The following PCDH9 variants were observed in gnomAD, a reference collection of about 807,000 sequenced individuals.
PCDH9 encodes protocadherin-9.
A neutral mutation model predicts 70.6 loss-of-function variants in PCDH9; 24 were observed. That is an observed-to-expected ratio of 0.34 (90% CI 0.25 to 0.48). PCDH9 has a LOEUF of 0.48. Ranked by LOEUF, PCDH9 falls within the 20% of genes least tolerant of loss-of-function variation. The pLI, the probability that PCDH9 is intolerant of heterozygous loss-of-function variation, is 0.99. For missense variants in PCDH9, 1,281 were observed against 1,503.6 expected (o/e 0.85, Z 2.45); for synonymous variants, 562 against 558.5 (o/e 1.01, Z -0.09).
chr13:66,546,569 A>T (rs752271813), intron 4 of PCDH9, among the ~76,000 whole-genome samples: 1 of 152,234 alleles, frequency 6.6e-6, no homozygotes. Context: ...GAAAGTTTAT[A>T]AAGTAAAACT....
chr13:66,789,503 T>C (rs2080130180), intron 3 of PCDH9, among the ~76,000 whole-genome samples: 1 of 151,330 alleles, frequency 6.6e-6, no homozygotes, highest in South Asian at 2.1e-4. Context: ...AGTGGGTTTA[T>C]TTTTTTTTAT....
intron 3 of PCDH9, among the ~76,000 whole-genome samples, chr13:66,780,163 A>G (rs1468640746): frequency 6.6e-6 from 1 of 152,064 alleles, no homozygotes; most frequent in Non-Finnish European, 1.5e-5. Flanking sequence ...TTACTTCATT[A>G]TAGTAACCTC....
chr13:67,166,362 CTG>C (rs2088116453), intron 2 of PCDH9, among the ~76,000 whole-genome samples: 2 of 152,168 alleles, frequency 1.3e-5, no homozygotes, highest in Non-Finnish European at 2.9e-5. Context: ...TATGAACAAA[CTG>C]AATTCATAAA....
chr13:66,460,255 A>G (rs962183601), intron 4 of PCDH9, among the ~76,000 whole-genome samples: 7 of 151,962 alleles, frequency 4.6e-5, no homozygotes, highest in Non-Finnish European at 7.4e-5. Context: ...AAGACAGAGA[A>G]AAGCAGTTTA....
rs113708165 is a variant in PCDH9, at chr13:66,644,735, G to C, written c.3139-13324C>G. On this transcript the variant is annotated intron_variant, in intron 3 of 4. Coordinates refer to ENST00000377865, the MANE Select transcript of PCDH9 (RefSeq NM_203487.3). ...CTTCTGCTTCCACAAATTTGTAATT[G>C]TGGTCCTCAATTGTCCTCGGCTTCT... Among the ~76,000 whole-genome samples, 1,227 of 151,990 alleles carry C rather than the reference G, an allele frequency of 8.1e-3. 19 individuals are homozygous for C. The highest frequency in any genetic ancestry group is 0.028 in the African/African-American group (1,169 of 41,494).
intron 2 of PCDH9, among the ~76,000 whole-genome samples, chr13:67,126,159 GACTTTAC>G (rs2086975712): frequency 6.6e-6 from 1 of 152,108 alleles, no homozygotes; most frequent in Non-Finnish European, 1.5e-5. Context: ...TGGGCTTTCA[GACTTTAC>G]ACTGTGGTAG....
chr13:67,055,541 G>A (rs34997439), intron 2 of PCDH9, among the ~76,000 whole-genome samples: 15,172 of 152,078 alleles, frequency 0.1, 875 homozygotes, highest in East Asian at 0.2. Context: ...GCTGTGTGCA[G>A]TGGCTCACGC....
chr13:66,952,651 A>G (rs1190433754), intron 2 of PCDH9, among the ~76,000 whole-genome samples: 1 of 152,160 alleles, frequency 6.6e-6, no homozygotes, highest in Non-Finnish European at 1.5e-5. Context: ...CCATTCCTCA[A>G]TGCTATAATT....
intron 4 of PCDH9, among the ~76,000 whole-genome samples, chr13:66,312,194 G>A (rs1566233372): frequency 6.6e-6 from 1 of 152,108 alleles, no homozygotes; most frequent in Non-Finnish European, 1.5e-5. Flanking sequence ...GGATAAAAAG[G>A]CTAGATTTTG....
chr13:66,477,202 T>C (rs1366735365), intron 4 of PCDH9, among the ~76,000 whole-genome samples: 2 of 152,158 alleles, frequency 1.3e-5, no homozygotes, highest in African/African-American at 4.8e-5. Flanking sequence ...GCATGTATTC[T>C]AGAGTCAGAC....
In PCDH9 at chr13:67,154,605, T is replaced by TACACACAC. The variant is rs765270091; in HGVS notation, c.3036+70792_3036+70799dup. ...AAAAAAAAAAAAAAAAATATATATA[T>TACACACAC]ACACACACACACACACACACACACA... On this transcript the variant is annotated intron_variant, in intron 2 of 4. Transcript: ENST00000377865. Among the ~76,000 whole-genome samples the TACACACAC allele has an allele frequency of 1.7e-3, 156 of 93,286 alleles. 3 individuals are homozygous for TACACACAC. The highest frequency in any genetic ancestry group is 6.8e-3 in the African/African-American group (150 of 21,984). The allele number at this position is 93,286 out of a possible 152,430, so 61.2% of individuals were successfully genotyped here.
intron 2 of PCDH9, among the ~76,000 whole-genome samples, chr13:67,000,592 GAAA>G (rs1365616909): frequency 3.0e-4 from 45 of 151,662 alleles, no homozygotes; most frequent in African/African-American, 1.1e-3. Flanking sequence ...TCGAAAAAAA[GAAA>G]AAAGTTTTTA....
chr13:67,025,885 T>C (rs566946182), intron 2 of PCDH9, among the ~76,000 whole-genome samples: 2 of 152,202 alleles, frequency 1.3e-5, no homozygotes, highest in Non-Finnish European at 2.9e-5. Context: ...ATATCATTTA[T>C]GCATATAAAT....
chr13:66,861,728 A>G (rs1490728907), intron 3 of PCDH9, among the ~76,000 whole-genome samples: 2 of 152,174 alleles, frequency 1.3e-5, no homozygotes, highest in African/African-American at 4.8e-5. Context: ...AACTCTAAGA[A>G]AAATATTTTA....
chr13:66,646,426 T>C (rs2077771983), intron 3 of PCDH9, among the ~76,000 whole-genome samples: 1 of 152,218 alleles, frequency 6.6e-6, no homozygotes, highest in East Asian at 1.9e-4. Flanking sequence ...GCAGGAACCA[T>C]GTCTTATTTG....
intron 3 of PCDH9, among the ~76,000 whole-genome samples, chr13:66,649,843 T>G (rs1217729051): frequency 6.6e-6 from 1 of 151,612 alleles, no homozygotes; most frequent in Non-Finnish European, 1.5e-5. Context: ...GTGTAGAGTT[T>G]TTATTAGTTT....
chr13:67,200,985 G>A (rs764310310), intron 2 of PCDH9: 3 of 152,006 alleles, frequency 2.0e-5, no homozygotes, highest in Middle Eastern at 6.8e-3. Flanking sequence ...AAGTTTTCAC[G>A]AACAAATTCA....
At chr13:66,846,224 A>G (rs1002708222) in intron 3 of PCDH9, among the ~76,000 whole-genome samples, 11 of 152,132 alleles carry the variant, frequency 7.2e-5, no homozygotes, top group Admixed American at 7.2e-4. Flanking sequence ...TATTTAGAAA[A>G]TGATTTGTAA....
intron 2 of PCDH9, among the ~76,000 whole-genome samples, chr13:66,945,561 T>G (rs575078813): frequency 7.8e-4 from 119 of 152,326 alleles, no homozygotes; most frequent in Non-Finnish European, 1.6e-3. Context: ...TAATGGTTAT[T>G]TTTTCTTTTA....
Sources: gnomAD v4.1 joint callset for allele counts (sites outside exome capture counted in the v4.1 genomes callset) on GRCh38, gnomAD v4.1.1 for gene constraint, MANE v1.5 for transcripts, NCBI Gene and HGNC (gene_info 2026-07-23, HGNC 2026-07-21) for gene names.